Variants in AMPH observed in about 807,000 individuals in gnomAD.
AMPH encodes amphiphysin (Stiff-Mann syndrome with breast cancer 128kD autoantigen).
AMPH carries 49 observed loss-of-function variants against 99.1 expected under a neutral mutation model. The ratio of observed to expected loss-of-function variants is 0.49; its 90% CI spans 0.39 to 0.63. The LOEUF is 0.63. AMPH is among the 20% of genes least tolerant of loss of function. The pLI is 0.00. For synonymous variants in AMPH, 314 were observed against 317.3 expected (o/e 0.99, Z 0.11); for missense variants, 759 against 863.4 (o/e 0.88, Z 1.52).
chr7:38,410,762 G>T (rs1465113894), intron 17 of AMPH, among the ~76,000 whole-genome samples: 1 of 152,172 alleles, frequency 6.6e-6, no homozygotes, highest in Non-Finnish European at 1.5e-5. Context: ...CCTAATTCAA[G>T]GTCTTTCAAA....
intron 2 of AMPH, among the ~76,000 whole-genome samples, chr7:38,531,672 T>G (rs1416426975): frequency 6.6e-6 from 1 of 152,202 alleles, no homozygotes; most frequent in Non-Finnish European, 1.5e-5. Flanking sequence ...CATAAATGTT[T>G]GAATAATTCT....
intron 2 of AMPH, among the ~76,000 whole-genome samples, chr7:38,526,168 A>T (rs1790177444): frequency 6.6e-6 from 1 of 152,050 alleles, no homozygotes; most frequent in Admixed American, 6.6e-5. Flanking sequence ...TGTGGTTTTA[A>T]TTTGCATTTC....
chr7:38,433,923 A>G (rs904324457), intron 12 of AMPH, among the ~76,000 whole-genome samples: 4 of 152,098 alleles, frequency 2.6e-5, no homozygotes, highest in African/African-American at 9.7e-5. Flanking sequence ...GTGTTCTGCT[A>G]GCAGCAAGAA....
At chr7:38,571,729 T>C (rs1034344437) in intron 1 of AMPH, among the ~76,000 whole-genome samples, 2 of 151,488 alleles carry the variant, frequency 1.3e-5, no homozygotes, top group Non-Finnish European at 2.9e-5. Flanking sequence ...AAGGTTATAG[T>C]GAAGAAAGAG....
chr7:38,564,837 A>G (rs1791673954), intron 1 of AMPH, among the ~76,000 whole-genome samples: 1 of 152,230 alleles, frequency 6.6e-6, no homozygotes, highest in African/African-American at 2.4e-5. Context: ...TAAAAAGAAA[A>G]GAACCGGCCG....
intron 1 of AMPH, among the ~76,000 whole-genome samples, chr7:38,555,382 G>A (rs1020762322): frequency 1.3e-5 from 2 of 152,142 alleles, no homozygotes; most frequent in Non-Finnish European, 1.5e-5. Context: ...TCCAGCCTGG[G>A]TGGCAGAGAG....
intron 1 of AMPH, among the ~76,000 whole-genome samples, chr7:38,561,502 A>G (rs910203422): frequency 1.3e-5 from 2 of 152,348 alleles, no homozygotes; most frequent in South Asian, 2.1e-4. Flanking sequence ...AAATGCTGGC[A>G]TTCCTGAGCT....
intron 17 of AMPH, among the ~76,000 whole-genome samples, chr7:38,407,131 T>C (rs1176311195): frequency 1.5e-5 from 2 of 129,824 alleles, no homozygotes; most frequent in African/African-American, 2.9e-5. Context: ...TATATAGACA[T>C]AGATAGATAG....
intron 1 of AMPH, among the ~76,000 whole-genome samples, chr7:38,608,031 G>A (rs1026016523): frequency 2.6e-5 from 4 of 151,974 alleles, no homozygotes; most frequent in Non-Finnish European, 5.9e-5. Flanking sequence ...TAGAGATGAG[G>A]TCTCACTGTG....
chr7:38,427,010 T>G, intron 14 of AMPH, 24 bp from the exon 15 acceptor site: 1 of 1,606,426 alleles, frequency 6.2e-7, no homozygotes, highest in Non-Finnish European at 8.5e-7. Context: ...AAAATCAGAT[T>G]GTGTTATTAT....
intron 17 of AMPH, among the ~76,000 whole-genome samples, chr7:38,395,935 T>C (rs1253376122): frequency 1.3e-5 from 2 of 152,212 alleles, no homozygotes; most frequent in Admixed American, 6.5e-5. Flanking sequence ...TGTTACAGAA[T>C]ATATACAGTA....
intron 3 of AMPH, among the ~76,000 whole-genome samples, chr7:38,494,746 G>A (rs1252377917): frequency 6.6e-6 from 1 of 152,144 alleles, no homozygotes; most frequent in Non-Finnish European, 1.5e-5. Flanking sequence ...ACTTGATAAT[G>A]ATAGATATGG....
intron 17 of AMPH, among the ~76,000 whole-genome samples, chr7:38,397,133 C>T (rs1428892775): frequency 1.3e-5 from 2 of 152,202 alleles, no homozygotes; most frequent in Non-Finnish European, 2.9e-5. Context: ...GGCACTGCTA[C>T]AGATGAAAAA....
At chr7:38,486,849 T>A (rs1441412226) in intron 5 of AMPH, among the ~76,000 whole-genome samples, 2 of 152,060 alleles carry the variant, frequency 1.3e-5, no homozygotes, top group Non-Finnish European at 2.9e-5. Context: ...TCAGTAGATG[T>A]AGAAAATGCA....
chr7:38,526,954 A>G (rs967424691), intron 2 of AMPH, among the ~76,000 whole-genome samples: 2 of 152,218 alleles, frequency 1.3e-5, no homozygotes, highest in Admixed American at 6.5e-5. Context: ...GGTTAGTTTT[A>G]GGTCAAAGTT....
chr7:38,502,060 C>T (rs1465646479), intron 3 of AMPH, among the ~76,000 whole-genome samples: 1 of 152,124 alleles, frequency 6.6e-6, no homozygotes, highest in Non-Finnish European at 1.5e-5. Context: ...GAGTTTTCTG[C>T]CCATTTTTAA....
intron 1 of AMPH, among the ~76,000 whole-genome samples, chr7:38,595,242 A>G (rs957491742): frequency 6.6e-6 from 1 of 152,188 alleles, no homozygotes; most frequent in African/African-American, 2.4e-5. Flanking sequence ...CCTCTCCTCC[A>G]CATATCACAG....
At chr7:38,460,823 G>A (rs1787409802) in intron 11 of AMPH, among the ~76,000 whole-genome samples, 3 of 152,168 alleles carry the variant, frequency 2.0e-5, no homozygotes, top group Admixed American at 2.0e-4. Flanking sequence ...CAGCAACACT[G>A]TATTAGGTAT....
intron 1 of AMPH, among the ~76,000 whole-genome samples, chr7:38,617,433 T>C (rs1793914078): frequency 6.6e-6 from 1 of 152,208 alleles, no homozygotes; most frequent in South Asian, 2.1e-4. Context: ...CAGATCAAAA[T>C]AATTATTTTA....
Sources: allele counts gnomAD v4.1 joint callset (sites outside exome capture counted in the v4.1 genomes callset), GRCh38; gene constraint gnomAD v4.1.1; transcripts MANE v1.5; gene names NCBI Gene and HGNC (gene_info 2026-07-23, HGNC 2026-07-21).